The following CTNNA3 variants were observed in gnomAD, a reference collection of about 807,000 sequenced individuals.
CTNNA3 encodes the protein catenin alpha 3.
Under a neutral mutation model 95.7 loss-of-function variants are expected in CTNNA3, and 76 were observed. The ratio of observed to expected loss-of-function variants is 0.79; its 90% confidence interval spans 0.66 to 0.96. The LOEUF (loss-of-function observed/expected upper bound fraction) is 0.96. Ranked by LOEUF, CTNNA3 falls within the 40% of genes least tolerant of loss-of-function variation. The pLI is 0.00. For synonymous variants in CTNNA3, 431 were observed against 374.4 expected (o/e 1.15, Z -1.74); for missense variants, 1,191 against 1,089.8 (o/e 1.09, Z -1.31).
intron 5 of CTNNA3, among the ~76,000 whole-genome samples, chr10:67,484,303 C>T (rs1189512250): frequency 6.6e-6 from 1 of 152,152 alleles, no homozygotes; most frequent in East Asian, 1.9e-4. Flanking sequence ...TTATCTTTAA[C>T]CACATATAAA....
chr10:66,606,291 T>C (rs1844119637), intron 10 of CTNNA3, among the ~76,000 whole-genome samples: 1 of 152,010 alleles, frequency 6.6e-6, no homozygotes, highest in Admixed American at 6.6e-5. Context: ...TCTGAGACCT[T>C]CAGAATCTTA....
At chr10:67,184,024 T>A (rs980223016) in intron 6 of CTNNA3, among the ~76,000 whole-genome samples, 1 of 152,178 alleles carries the variant, frequency 6.6e-6, no homozygotes, top group African/African-American at 2.4e-5. Context: ...TAATTTCCTA[T>A]GCAAATCTTG....
At chr10:67,155,529 ATGTGTG>A (rs142928094) in intron 7 of CTNNA3, among the ~76,000 whole-genome samples, 5 of 24,746 alleles carry the variant, frequency 2.0e-4, no homozygotes, top group African/African-American at 6.3e-4. Context: ...GTATTAATAT[ATGTGTG>A]TGTGTGTGTG....
At chr10:66,170,075 T>C (rs553852688) in intron 13 of CTNNA3, among the ~76,000 whole-genome samples, 7 of 152,110 alleles carry the variant, frequency 4.6e-5, no homozygotes, top group Non-Finnish European at 8.8e-5. Flanking sequence ...ATTTGGGTTC[T>C]TGGTCATGAA....
intron 3 of CTNNA3, among the ~76,000 whole-genome samples, chr10:67,541,747 A>G (rs929261316): frequency 2.0e-5 from 3 of 152,136 alleles, no homozygotes; most frequent in Non-Finnish European, 4.4e-5. Context: ...TAATGCCAAT[A>G]AGTGGGTGAT....
chr10:66,722,365 G>A (rs1848656327), intron 9 of CTNNA3, among the ~76,000 whole-genome samples: 3 of 133,700 alleles, frequency 2.2e-5, no homozygotes, highest in Admixed American at 1.6e-4. Context: ...ACGACAGAGC[G>A]AGACCCTGTC....
At position 67,500,965 on chromosome 10, in the gene CTNNA3, C is replaced by T. The variant is rs923400051; in HGVS notation, c.579+20877G>A. On this transcript the variant is annotated intron_variant, in intron 5 of 17. Transcript: ENST00000433211. ...AATTGGGGTATTTAGACCATTTACACTTAAGGTTAATATTGTTATGTGTCA... is the reference window on the plus strand; with the variant it reads ...AATTGGGGTATTTAGACCATTTACATTTAAGGTTAATATTGTTATGTGTCA... Among the ~76,000 whole-genome samples the T allele has an allele frequency of 5.3e-5, 8 of 152,282 alleles. No individual in the cohort carries two copies. The East Asian group carries it at 1.5e-3, about 29-fold the overall frequency.
intron 12 of CTNNA3, among the ~76,000 whole-genome samples, chr10:66,350,036 A>G (rs1041436888): frequency 1.3e-5 from 2 of 152,096 alleles, no homozygotes; most frequent in Non-Finnish European, 2.9e-5. Flanking sequence ...GCAACGTAAC[A>G]CATTGGTGAT....
chr10:66,168,809 A>G (rs1188836587), intron 13 of CTNNA3, among the ~76,000 whole-genome samples: 1 of 152,198 alleles, frequency 6.6e-6, no homozygotes, highest in African/African-American at 2.4e-5. Context: ...TAGACTAGCA[A>G]TTGGCAGCTA....
chr10:66,346,380 G>C (rs1166714958), intron 12 of CTNNA3, among the ~76,000 whole-genome samples: 1 of 151,194 alleles, frequency 6.6e-6, no homozygotes, highest in Non-Finnish European at 1.5e-5. Context: ...CTGAGTTCAA[G>C]CAATTATCCT....
At chr10:67,447,281 G>C (rs9415881) in intron 5 of CTNNA3, among the ~76,000 whole-genome samples, 1 of 152,024 alleles carries the variant, frequency 6.6e-6, no homozygotes, top group Admixed American at 6.5e-5. Context: ...TAAAACATGC[G>C]TGTAATAGAT....
intron 3 of CTNNA3, among the ~76,000 whole-genome samples, chr10:67,594,403 AT>A (rs898706070): frequency 2.6e-5 from 4 of 151,792 alleles, no homozygotes; most frequent in African/African-American, 9.7e-5. Flanking sequence ...ATTAGCAGGG[AT>A]TTTTTTATTA....
chr10:67,730,617 T>C (rs2133631678), intron 1 of CTNNA3, among the ~76,000 whole-genome samples: 1 of 151,730 alleles, frequency 6.6e-6, no homozygotes, highest in South Asian at 2.1e-4. Flanking sequence ...AGGCTTAAGA[T>C]TGGAGCAGAA....
At chr10:66,689,799 G>T (rs1847448389) in intron 9 of CTNNA3, among the ~76,000 whole-genome samples, 1 of 152,142 alleles carries the variant, frequency 6.6e-6, no homozygotes, top group Non-Finnish European at 1.5e-5. Flanking sequence ...AAAGGAGAAT[G>T]CAGTAAGACT....
intron 9 of CTNNA3, among the ~76,000 whole-genome samples, chr10:66,660,826 G>T (rs529220630): frequency 5.6e-4 from 85 of 152,054 alleles, no homozygotes; most frequent in African/African-American, 2.0e-3. Flanking sequence ...TCTCTCCAAA[G>T]CACTTATCAC....
chr10:66,419,222 C>T (rs1444158658), intron 11 of CTNNA3, among the ~76,000 whole-genome samples: 1 of 151,708 alleles, frequency 6.6e-6, no homozygotes, highest in Non-Finnish European at 1.5e-5. Context: ...TTTCTATACA[C>T]CAATAATGAA....
At chr10:67,678,412 C>T (rs1840570580) in intron 1 of CTNNA3, among the ~76,000 whole-genome samples, 1 of 152,126 alleles carries the variant, frequency 6.6e-6, no homozygotes, top group African/African-American at 2.4e-5. Context: ...CTGAATCATT[C>T]CTCTCCTTTA....
intron 11 of CTNNA3, among the ~76,000 whole-genome samples, chr10:66,411,596 G>A (rs1356020885): frequency 6.6e-6 from 1 of 152,050 alleles, no homozygotes; most frequent in Non-Finnish European, 1.5e-5. Context: ...TTGAGACACA[G>A]TGCTGAACAT....
At chr10:67,554,827 C>G (rs113754332) in intron 3 of CTNNA3, among the ~76,000 whole-genome samples, 6 of 152,024 alleles carry the variant, frequency 3.9e-5, no homozygotes, top group African/African-American at 1.5e-4. Flanking sequence ...GAAGTCCTTG[C>G]GCATGCCTAT....
Sources: allele counts gnomAD v4.1 joint callset (sites outside exome capture counted in the v4.1 genomes callset), GRCh38; gene constraint gnomAD v4.1.1; transcripts MANE v1.5; gene names NCBI Gene and HGNC (gene_info 2026-07-23, HGNC 2026-07-21).